LPXN: variants seen among roughly 807,000 people sequenced by gnomAD.
The protein encoded by LPXN is leupaxin.
Under a neutral mutation model 45.6 loss-of-function variants are expected in LPXN, and 28 were observed. That is an observed-to-expected ratio of 0.61 (90% CI 0.45 to 0.84). The LOEUF is 0.84. Among genes scored for constraint, LPXN ranks in the 40% least tolerant of loss-of-function variants. The pLI is 0.00. For missense variants in LPXN, 459 were observed against 475.0 expected, an observed-to-expected ratio of 0.97 and a Z score of 0.31; for synonymous variants, 166 against 169.9, an observed-to-expected ratio of 0.98 and a Z score of 0.18.
intron 7 of LPXN, among the ~76,000 whole-genome samples, chr11:58,537,562 T>C (rs551025133): frequency 6.6e-6 from 1 of 152,070 alleles, no homozygotes; most frequent in African/African-American, 2.4e-5. Flanking sequence ...CTAATGTAGA[T>C]GATGGGTTGA....
chr11:58,571,876 T>C (rs78703563), intron 1 of LPXN, among the ~76,000 whole-genome samples: 66 of 152,324 alleles, frequency 4.3e-4, no homozygotes, highest in African/African-American at 1.5e-3. Context: ...AGCGCATGAA[T>C]GCAGAACCAG....
intron 7 of LPXN, among the ~76,000 whole-genome samples, chr11:58,545,574 T>C (rs1047486076): frequency 2.8e-4 from 43 of 152,328 alleles, no homozygotes; most frequent in East Asian, 2.5e-3. Context: ...TGAAAAAGCA[T>C]TGAGCAAGCT....
intron 4 of LPXN, 120 bp downstream of exon 4, chr11:58,554,721 A>G: frequency 1.5e-6 from 1 of 652,822 alleles, no homozygotes; most frequent in Non-Finnish European, 2.5e-6. Flanking sequence ...ACTTAGGAAA[A>G]TTCCTAAGTG....
At chr11:58,527,965 C>A in intron 8 of LPXN, 78 bp downstream of exon 8, 1 of 1,499,494 alleles carries the variant, frequency 6.7e-7, no homozygotes, top group Non-Finnish European at 9.1e-7. Context: ...TGAACCCTTT[C>A]ACTAACTGCA....
chr11:58,556,620 A>C (rs1333270484), intron 3 of LPXN, among the ~76,000 whole-genome samples: 1 of 152,132 alleles, frequency 6.6e-6, no homozygotes, highest in African/African-American at 2.4e-5. Flanking sequence ...GGAAAATGTA[A>C]GATAAATGAC....
upstream of LPXN, among the ~76,000 whole-genome samples, chr11:58,577,534 G>C (rs1317793662): frequency 6.6e-6 from 1 of 152,168 alleles, no homozygotes; most frequent in Admixed American, 6.5e-5. Context: ...GGATGTTCTT[G>C]CAAATCGTTC....
At chr11:58,543,370 T>C (rs1317935112) in intron 7 of LPXN, among the ~76,000 whole-genome samples, 1 of 152,194 alleles carries the variant, frequency 6.6e-6, no homozygotes, top group Non-Finnish European at 1.5e-5. Flanking sequence ...CACTTCAGCA[T>C]TGACTAGAAT....
intron 1 of LPXN, among the ~76,000 whole-genome samples, chr11:58,575,233 G>C (rs78284741): frequency 4.3e-4 from 66 of 152,322 alleles, no homozygotes; most frequent in African/African-American, 1.5e-3. Context: ...ACTAGAGTTA[G>C]AGTGCTATGC....
At chr11:58,527,782 A>C in intron 8 of LPXN, 59 bp from the exon 9 acceptor site, 1 of 1,526,872 alleles carries the variant, frequency 6.5e-7, no homozygotes, top group Non-Finnish European at 8.9e-7. Flanking sequence ...AAATGTCAGC[A>C]AAGTAAAATT....
intron 3 of LPXN, among the ~76,000 whole-genome samples, chr11:58,555,768 G>GCACACA (rs5792108): frequency 6.7e-6 from 1 of 149,468 alleles, no homozygotes; most frequent in East Asian, 2.0e-4. Flanking sequence ...TCACACACAT[G>GCACACA]CACACACACA....
intron 7 of LPXN, among the ~76,000 whole-genome samples, chr11:58,533,736 TAA>T (rs1853465762): frequency 6.6e-6 from 1 of 152,022 alleles, no homozygotes; most frequent in Admixed American, 6.6e-5. Context: ...GCAAATTGGA[TAA>T]AGAGGCAAGA....
At chr11:58,539,268 C>T (rs555819754) in intron 7 of LPXN, among the ~76,000 whole-genome samples, 35 of 152,172 alleles carry the variant, frequency 2.3e-4, no homozygotes, top group Non-Finnish European at 4.9e-4. Flanking sequence ...TATGATAGCA[C>T]CTCTGAACTC....
intron 7 of LPXN, among the ~76,000 whole-genome samples, chr11:58,540,650 A>C (rs1590762915): frequency 6.6e-6 from 1 of 152,210 alleles, no homozygotes; most frequent in East Asian, 1.9e-4. Context: ...ATTTATGTTT[A>C]GACTGTACTA....
chr11:58,543,805 C>A (rs375769714), intron 7 of LPXN, among the ~76,000 whole-genome samples: 38 of 152,304 alleles, frequency 2.5e-4, no homozygotes, highest in Admixed American at 1.2e-3. Context: ...CCCACTAAGA[C>A]AGCATGTAAG....
intron 1 of LPXN, among the ~76,000 whole-genome samples, chr11:58,574,588 G>A (rs1403904771): frequency 1.3e-5 from 2 of 151,638 alleles, no homozygotes; most frequent in African/African-American, 4.8e-5. Context: ...AAAAGAAAGA[G>A]AAAAAGAAAA....
At chr11:58,561,747 G>C (rs1854384836) in intron 3 of LPXN, among the ~76,000 whole-genome samples, 2 of 152,192 alleles carry the variant, frequency 1.3e-5, no homozygotes, top group Non-Finnish European at 2.9e-5. Context: ...CTTATTCAAA[G>C]AATTCCCACT....
chr11:58,540,121 T>C (rs2120249670), intron 7 of LPXN, among the ~76,000 whole-genome samples: 1 of 152,098 alleles, frequency 6.6e-6, no homozygotes, highest in South Asian at 2.1e-4. Flanking sequence ...CATCTCTAGG[T>C]CTAAACTAAT....
At chr11:58,559,969 A>G (rs551568109) in intron 3 of LPXN, among the ~76,000 whole-genome samples, 1 of 152,304 alleles carries the variant, frequency 6.6e-6, no homozygotes, top group East Asian at 1.9e-4. Flanking sequence ...GTCTGTAAGG[A>G]GAAGAACCTG....
In LPXN at chr11:58,545,383, A is replaced by G. The variant is rs532883603; in HGVS notation, c.742+4403T>C. 1.6e-3 allele frequency among the ~76,000 whole-genome samples: 245 copies of G among 152,310 alleles called. 2 individuals carry two copies. The highest frequency in any genetic ancestry group is 5.6e-3 in the African/African-American group (231 of 41,574). ...TCTGCTTTCAGGCAACTTCTCCATC[A>G]TAATGATCCATAGGCAGTATTCACT... On this transcript the variant is annotated intron_variant, in intron 7 of 8. Coordinates refer to ENST00000395074, the MANE Select transcript of LPXN (RefSeq NM_004811.3).
Sources: allele counts gnomAD v4.1 joint callset (sites outside exome capture counted in the v4.1 genomes callset), GRCh38; gene constraint gnomAD v4.1.1; transcripts MANE v1.5; gene names NCBI Gene and HGNC (gene_info 2026-07-23, HGNC 2026-07-21).